C2orf42: variants seen among roughly 807,000 people sequenced by gnomAD.
C2orf42 encodes uncharacterized protein C2orf42.
C2orf42 carries 44 observed loss-of-function variants against 58.9 expected under a neutral mutation model. The observed-to-expected ratio is 0.75, with a 90% CI of 0.59 to 0.96. C2orf42 has a LOEUF of 0.96. C2orf42 is among the 40% of genes least tolerant of loss of function. The pLI is 0.00. For missense variants in C2orf42, 630 were observed against 699.2 expected, an observed-to-expected ratio of 0.90 and a Z score of 1.12; for synonymous variants, 239 against 265.4, an observed-to-expected ratio of 0.90 and a Z score of 0.97.
In C2orf42 at chr2:70,181,887, T is replaced by C. The variant is rs750160308; in HGVS notation, c.99A>G (p.Thr33=). 6.2e-7 allele frequency: 1 copy of C among 1,613,918 alleles called. No individual in the cohort carries two copies. Among genetic ancestry groups the C allele is most frequent in the East Asian group, 2.2e-5 (1 of 44,882 alleles). The stretch of plus-strand genomic sequence containing the variant: ...AGCTCAGTCCCCGGGTTCCATTGTA[T>C]GTGCCACATCGGGGACACTTTCTGA... ...RGIRKCPRCG[T]YNGTRGLSCK... The change falls in exon 3 of 10, where the codon ACA becomes ACG. Residue 33 remains threonine, a synonymous_variant. Coordinates refer to ENST00000264434, the MANE Select transcript of C2orf42 (RefSeq NM_017880.3).
chr2:70,152,181 A>G (rs1476206891), intron 9 of C2orf42, among the ~76,000 whole-genome samples: 1 of 152,122 alleles, frequency 6.6e-6, no homozygotes, highest in African/African-American at 2.4e-5. Flanking sequence ...CTTTCTCACA[A>G]AGACTAAGAC....
At position 70,181,310 on chromosome 2, in the gene C2orf42, A is replaced by G. The variant is rs761397237; in HGVS notation, c.676T>C (p.Cys226Arg). ...GACTTGTGCGATTTCAGAGTCTGAC[A>G]GGAGCAGAAGAAGCGGCGCTCAGGC... ...SLPERRFFCS[C>R]QTLKSHKSNA... The change falls in exon 3 of 10, where the codon TGT (cysteine) becomes CGT (arginine). Residue 226 changes from cysteine to arginine, a missense_variant. By Grantham distance (180) the Cys-to-Arg change is radical. Coordinates refer to ENST00000264434, the MANE Select transcript of C2orf42 (RefSeq NM_017880.3). 3 of 1,614,076 alleles carry G rather than the reference A, an allele frequency of 1.9e-6. No individual in the cohort carries two copies. Among genetic ancestry groups the G allele is most frequent in the Non-Finnish European group, 2.5e-6 (3 of 1,179,952 alleles).
intron 9 of C2orf42, among the ~76,000 whole-genome samples, chr2:70,156,288 A>G (rs79510568): frequency 6.6e-6 from 1 of 152,324 alleles, no homozygotes; most frequent in Admixed American, 6.5e-5. Context: ...AGACCATTAA[A>G]ATTAGAAAAA....
Position 70,169,667 on chromosome 2 carries a change from G to T in C2orf42, c.1040-6C>A. The T allele has an allele frequency of 2.8e-6, 4 of 1,439,736 alleles. No homozygotes were observed. Among genetic ancestry groups the T allele is most frequent in the Non-Finnish European group, 2.9e-6 (3 of 1,032,564 alleles). 89.2% of individuals were successfully genotyped at this position (1,439,736 alleles called of 1,614,324 possible). A position where few individuals can be genotyped will look rare whatever the true frequency, so the allele number is the denominator to read the frequency against. ...ATCTAACAGCTGACCACAGGCTAGG[G>T]AAAAAAAAACCACACATACACACTT... On this transcript the variant is annotated splice_polypyrimidine_tract_variant and splice_region_variant and intron_variant, in intron 5 of 9. Coordinates refer to ENST00000264434, the MANE Select transcript of C2orf42 (RefSeq NM_017880.3).
chr2:70,168,600 C>G (rs1042076513), intron 6 of C2orf42, among the ~76,000 whole-genome samples: 1 of 150,700 alleles, frequency 6.6e-6, no homozygotes, highest in African/African-American at 2.4e-5. Flanking sequence ...TAATAGGATA[C>G]TTTTAAGGCA....
At chr2:70,181,000 CAAAAAAAAAAAAAAA>C (rs58297085) in intron 3 of C2orf42, among the ~76,000 whole-genome samples, 148 bp downstream of exon 3, 11 of 60,404 alleles carry the variant, frequency 1.8e-4, no homozygotes, top group African/African-American at 6.4e-4. Context: ...GACCTTGTCT[CAAAAAAAAAAAAAAA>C]AAAAAAAAAA....
At position 70,150,237 on chromosome 2, in the gene C2orf42, C is replaced by T; in HGVS notation, c.*119G>A. The T allele has an allele frequency of 1.3e-6, 1 of 785,292 alleles. No homozygotes were observed. Among genetic ancestry groups the T allele is most frequent in the Non-Finnish European group, 2.1e-6 (1 of 478,320 alleles). The allele number at this position is 785,292 out of a possible 1,614,324, so 48.6% of individuals were successfully genotyped here. A position where few individuals can be genotyped will look rare whatever the true frequency, so the allele number is the denominator to read the frequency against. On this transcript the variant is annotated 3_prime_UTR_variant, in exon 10 of 10. Coordinates refer to ENST00000264434, the MANE Select transcript of C2orf42 (RefSeq NM_017880.3). ...ACTTGAAAGCACTGAGAATTTGCATCTTAGCTAAGAGCAGTTTACCAAGGA... is the reference window on the plus strand; with the variant it reads ...ACTTGAAAGCACTGAGAATTTGCATTTTAGCTAAGAGCAGTTTACCAAGGA...
intron 4 of C2orf42, among the ~76,000 whole-genome samples, chr2:70,179,064 C>A (rs1435441608): frequency 2.6e-5 from 4 of 151,974 alleles, no homozygotes; most frequent in Admixed American, 6.6e-5. Flanking sequence ...TTTTTAAACA[C>A]TCTATGGATG....
rs562826703 is a variant in C2orf42, at chr2:70,150,708, T to C, written c.1517-144A>G. Reference sequence around the variant, plus strand: ...ATGAGGTTTATAAATTCAGTGGTGATTGGGATATCAGATTTATTGATCATC... The same window carrying C: ...ATGAGGTTTATAAATTCAGTGGTGACTGGGATATCAGATTTATTGATCATC... On this transcript the variant is annotated intron_variant, in intron 9 of 9. Transcript: ENST00000264434. 21 of 627,496 alleles carry C rather than the reference T, an allele frequency of 3.3e-5. No individual in the cohort carries two copies. In the African/African-American group the frequency reaches 3.5e-4, roughly 10 times the overall value. 38.9% of individuals were successfully genotyped at this position (627,496 alleles called of 1,614,324 possible). A position where few individuals can be genotyped will look rare whatever the true frequency, so the allele number is the denominator to read the frequency against.
At chr2:70,187,562 CT>C (rs1386142299) in intron 1 of C2orf42, among the ~76,000 whole-genome samples, 3 of 152,052 alleles carry the variant, frequency 2.0e-5, no homozygotes, top group African/African-American at 7.2e-5. Flanking sequence ...TTTTCTTTTA[CT>C]TTTTGATTAT....
chr2:70,169,099 C>T (rs1444923435), intron 6 of C2orf42, among the ~76,000 whole-genome samples: 17 of 147,910 alleles, frequency 1.1e-4, no homozygotes, highest in Admixed American at 8.8e-4. Context: ...GGTCTCGCTT[C>T]GTTTCCCAGG....
chr2:70,152,750 C>G (rs1386874895), intron 9 of C2orf42, among the ~76,000 whole-genome samples: 1 of 152,026 alleles, frequency 6.6e-6, no homozygotes, highest in East Asian at 1.9e-4. Context: ...AGGTGAATAG[C>G]AGGGCCAGGT....
chr2:70,165,756 C>T, intron 6 of C2orf42, 121 bp from the exon 7 acceptor site: 1 of 624,836 alleles, frequency 1.6e-6, no homozygotes, highest in East Asian at 2.7e-5. Flanking sequence ...ACTGAGATTT[C>T]TTTATACAGA....
Position 70,179,531 on chromosome 2 carries a change from C to T in C2orf42, c.934+1G>A. 2 of 1,317,500 alleles carry T rather than the reference C, an allele frequency of 1.5e-6. No homozygotes were observed. The highest frequency in any genetic ancestry group is 1.1e-6 in the Non-Finnish European group (1 of 914,858). The allele number at this position is 1,317,500 out of a possible 1,614,324, so 81.6% of individuals were successfully genotyped here. A position where few individuals can be genotyped will look rare whatever the true frequency, so the allele number is the denominator to read the frequency against. On this transcript the variant is annotated splice_donor_variant, in intron 4 of 9. Transcript: ENST00000264434. LOFTEE classifies it high-confidence loss of function. ...ACCAAACCAACCAACCAGACTCTTA[C>T]CAGATACTTCATCCTTTCTCCTCTT...
At chr2:70,166,385 G>A (rs1185446379) in intron 6 of C2orf42, among the ~76,000 whole-genome samples, 3 of 150,292 alleles carry the variant, frequency 2.0e-5, no homozygotes, top group Non-Finnish European at 4.4e-5. Flanking sequence ...GAAAAGAGAG[G>A]CCAGGCGTGG....
chr2:70,165,781 TTTGA>T (rs2104888515), intron 6 of C2orf42, 146 bp from the exon 7 acceptor site: 1 of 592,506 alleles, frequency 1.7e-6, no homozygotes, highest in African/African-American at 1.9e-5. Context: ...AAAAGAAGGC[TTTGA>T]TTGACCTTTC....
chr2:70,166,608 A>G (rs1673424082), intron 6 of C2orf42, among the ~76,000 whole-genome samples: 1 of 151,292 alleles, frequency 6.6e-6, no homozygotes, highest in South Asian at 2.1e-4. Context: ...CCCAGGAGGC[A>G]GAGGTTGCAG....
intron 4 of C2orf42, among the ~76,000 whole-genome samples, chr2:70,176,636 G>A (rs1408185374): frequency 1.3e-5 from 2 of 151,904 alleles, no homozygotes; most frequent in East Asian, 3.9e-4. Flanking sequence ...TTATTTTTTA[G>A]AGATGAGGTC....
intron 1 of C2orf42, among the ~76,000 whole-genome samples, chr2:70,183,804 A>G (rs536610474): frequency 6.7e-6 from 1 of 150,336 alleles, no homozygotes; most frequent in African/African-American, 2.4e-5. Flanking sequence ...TAATAGTAAT[A>G]CATCACATTT....
Sources: gnomAD v4.1 joint callset for allele counts (sites outside exome capture counted in the v4.1 genomes callset) on GRCh38, gnomAD v4.1.1 for gene constraint, MANE v1.5 for transcripts, NCBI Gene and HGNC (gene_info 2026-07-23, HGNC 2026-07-21) for gene names.